Variants in TYW5 observed in about 807,000 individuals in gnomAD.
The protein encoded by TYW5 is tRNA-yW synthesizing protein 5.
Under a neutral mutation model 44.4 loss-of-function variants are expected in TYW5, and 36 were observed. The ratio of observed to expected loss-of-function variants is 0.81; its 90% CI spans 0.62 to 1.07. TYW5 has a LOEUF of 1.07. TYW5 is among the 50% of genes least tolerant of loss of function. The pLI is 0.00. For missense variants in TYW5, 354 were observed against 365.7 expected, an observed-to-expected ratio of 0.97 and a Z score of 0.26; for synonymous variants, 121 against 128.1, an observed-to-expected ratio of 0.94 and a Z score of 0.37.
chr2:199,936,313 T>C (rs1258067669), intron 6 of TYW5, 92 bp downstream of exon 6: 1 of 1,083,618 alleles, frequency 9.2e-7, no homozygotes, highest in African/African-American at 1.6e-5. Context: ...GATTAAGTAC[T>C]GAAGTGTTCT....
chr2:199,933,112 C>A lies in TYW5; in HGVS notation c.903G>T (p.Met301Ile), dbSNP rs745424393. ...AGGCTTTGTCTTGAATGTGTAGGACCATTCGTCGTGCATAGAAGTCCCTAT... is the reference window on the plus strand; with the variant it reads ...AGGCTTTGTCTTGAATGTGTAGGACAATTCGTCGTGCATAGAAGTCCCTAT... ...EEYRDFYARR[M>I]VLHIQDKAYS... The change falls in exon 8 of 8, where the codon ATG becomes ATT. Residue 301 changes from methionine (M) to isoleucine (I), a missense_variant. Met to Ile is a conservative substitution (Grantham distance 10, BLOSUM62 1). Coordinates refer to ENST00000354611, the MANE Select transcript of TYW5 (RefSeq NM_001039693.3). The A allele has an allele frequency of 6.2e-7, 1 of 1,613,930 alleles. No homozygotes were observed. Among genetic ancestry groups the A allele is most frequent in the Non-Finnish European group, 8.5e-7 (1 of 1,180,006 alleles).
intron 5 of TYW5, 97 bp from the exon 6 acceptor site, chr2:199,936,589 A>C: frequency 2.1e-6 from 2 of 963,294 alleles, no homozygotes; most frequent in Non-Finnish European, 3.2e-6. Flanking sequence ...CCGATCCTTT[A>C]ATGAGACTTG....
chr2:199,952,326 T>A (rs1485691711), intron 1 of TYW5, among the ~76,000 whole-genome samples: 1 of 152,228 alleles, frequency 6.6e-6, no homozygotes, highest in East Asian at 1.9e-4. Flanking sequence ...AATTTGAGTA[T>A]GCCAGTTTCT....
At chr2:199,955,325 G>A in intron 1 of TYW5, 68 bp downstream of exon 1, 1 of 1,554,714 alleles carries the variant, frequency 6.4e-7, no homozygotes, top group Non-Finnish European at 8.7e-7. Flanking sequence ...CCAGTTCCCA[G>A]CTGTCCGAAA....
chr2:199,948,299 A>G lies in TYW5; in HGVS notation c.233+19T>C, dbSNP rs1307798986. 6.2e-7 allele frequency: 1 copy of G among 1,613,514 alleles called. No homozygotes were observed. The highest frequency in any genetic ancestry group is 1.1e-5 in the South Asian group (1 of 91,038). On this transcript the variant is annotated intron_variant, in intron 2 of 7. Coordinates refer to ENST00000354611, the MANE Select transcript of TYW5 (RefSeq NM_001039693.3). ...AAAAAGTTATTTGTATCCCCAGAGT[A>G]AACCTCAGAAGAAAATACCTATATA...
chr2:199,954,196 G>A (rs575109120), intron 1 of TYW5, among the ~76,000 whole-genome samples: 1 of 151,894 alleles, frequency 6.6e-6, no homozygotes, highest in Non-Finnish European at 1.5e-5. Flanking sequence ...GACCTCCCGG[G>A]CTCAAGCAGA....
At chr2:199,939,558 G>A (rs2077448766) in intron 4 of TYW5, among the ~76,000 whole-genome samples, 1 of 152,050 alleles carries the variant, frequency 6.6e-6, no homozygotes, top group Non-Finnish European at 1.5e-5. Flanking sequence ...TAATATTCAG[G>A]AGTCAACACC....
Position 199,932,497 on chromosome 2 carries a change from G to C in TYW5, c.*570C>G, listed in dbSNP as rs1314344277. ...CAGTGACTGGCTCAGGGATGGACAGGTCTAAGTTACTTTAGAGCAATGAGA... is the reference window on the plus strand; with the variant it reads ...CAGTGACTGGCTCAGGGATGGACAGCTCTAAGTTACTTTAGAGCAATGAGA... On this transcript the variant is annotated 3_prime_UTR_variant, in exon 8 of 8. Coordinates refer to ENST00000354611, the MANE Select transcript of TYW5 (RefSeq NM_001039693.3). 1 of 154,122 alleles carries C rather than the reference G, an allele frequency of 6.5e-6. No homozygotes were observed. The highest frequency in any genetic ancestry group is 2.4e-5 in the African/African-American group (1 of 41,440). 9.5% of individuals were successfully genotyped at this position (154,122 alleles called of 1,614,324 possible).
Position 199,930,500 on chromosome 2 carries a change from G to T in TYW5, c.*2567C>A, listed in dbSNP as rs553916386. 6.6e-6 allele frequency: 1 copy of T among 152,256 alleles called. No individual in the cohort carries two copies. Among genetic ancestry groups the T allele is most frequent in the African/African-American group, 2.4e-5 (1 of 41,544 alleles). The allele number at this position is 152,256 out of a possible 1,614,324, so 9.4% of individuals were successfully genotyped here. A position where few individuals can be genotyped will look rare whatever the true frequency, so the allele number is the denominator to read the frequency against. ...TTTTTCTATTTTTAGTAGAGACGGGGTTTTACCATGTTGGCCAGAATGGTC... is the reference window on the plus strand; with the variant it reads ...TTTTTCTATTTTTAGTAGAGACGGGTTTTTACCATGTTGGCCAGAATGGTC... On this transcript the variant is annotated 3_prime_UTR_variant, in exon 8 of 8. Coordinates refer to ENST00000354611, the MANE Select transcript of TYW5 (RefSeq NM_001039693.3).
rs767293527 is a variant in TYW5, at chr2:199,939,088, TAAAA to T, written c.349-22_349-19del. The T allele has an allele frequency of 3.8e-6, 6 of 1,581,866 alleles. No homozygotes were observed. In the African/African-American group the frequency reaches 8.2e-5, roughly 22 times the overall value. On this transcript the variant is annotated intron_variant, in intron 4 of 7. Transcript: ENST00000354611. ...GCAACATCCTGCATTTACAGAAACATAAAAAGAAAAAATTAGATTAGACCCTATG... is the reference window on the plus strand; with the variant it reads ...GCAACATCCTGCATTTACAGAAACATAGAAAAAATTAGATTAGACCCTATG...
chr2:199,937,574 T>A (rs1430769636), intron 5 of TYW5, among the ~76,000 whole-genome samples: 1 of 151,940 alleles, frequency 6.6e-6, no homozygotes, highest in East Asian at 1.9e-4. Flanking sequence ...GTAGCTGAGA[T>A]ACGAGAATCA....
chr2:199,936,181 A>G (rs972170092), intron 6 of TYW5, 134 bp from the exon 7 acceptor site: 7 of 697,596 alleles, frequency 1.0e-5, no homozygotes, highest in Middle Eastern at 4.1e-4. Flanking sequence ...GAGAATTACT[A>G]TGCTACTGAC....
At position 199,935,927 on chromosome 2, in the gene TYW5, T is replaced by C. The variant is rs763166398; in HGVS notation, c.691+4A>G. 1.9e-6 allele frequency: 3 copies of C among 1,583,100 alleles called. No individual in the cohort carries two copies. The highest frequency in any genetic ancestry group is 2.6e-6 in the Non-Finnish European group (3 of 1,154,320). Reference sequence around the variant, plus strand: ...AGCACATTAGTGAGGTCTAGAAATCTTACCAGGAATGAATAATACATCACC... The same window carrying C: ...AGCACATTAGTGAGGTCTAGAAATCCTACCAGGAATGAATAATACATCACC... On this transcript the variant is annotated splice_donor_region_variant and intron_variant, in intron 7 of 7. Coordinates refer to ENST00000354611, the MANE Select transcript of TYW5 (RefSeq NM_001039693.3).
At chr2:199,942,922 A>G (rs2077476393) in intron 3 of TYW5, 1 of 151,844 alleles carries the variant, frequency 6.6e-6, no homozygotes, top group South Asian at 2.1e-4. Context: ...CAATGGCGCA[A>G]TCTAGCTCAC....
At chr2:199,947,575 C>T (rs1214606937) in intron 2 of TYW5, 1 of 152,074 alleles carries the variant, frequency 6.6e-6, no homozygotes, top group African/African-American at 2.4e-5. Context: ...AAAGATTATA[C>T]CAAACATAGC....
chr2:199,937,659 ACT>A (rs1381052702), intron 5 of TYW5, among the ~76,000 whole-genome samples: 1 of 152,094 alleles, frequency 6.6e-6, no homozygotes, highest in Non-Finnish European at 1.5e-5. Context: ...AAAGAGCAAG[ACT>A]CTGTCTCAAA....
At position 199,935,996 on chromosome 2, in the gene TYW5, G is replaced by A. The variant is rs1240016805; in HGVS notation, c.626C>T (p.Pro209Leu). Residue 209 changes from proline (P) to leucine (L), a missense_variant, in exon 7 of 8, where the codon CCA (proline) becomes CTA (leucine). Physicochemically the swap from Pro to Leu is moderately conservative, Grantham distance 98. Coordinates refer to ENST00000354611, the MANE Select transcript of TYW5 (RefSeq NM_001039693.3). ...NIDNPDLAKY[P>L]LFSKARRYEC... ...ATATCTTCTAGCCTTGGAAAAAAGT[G>A]GATATTTAGCCAAGTCTGGGTTATC... The A allele has an allele frequency of 1.2e-6, 2 of 1,613,100 alleles. No individual in the cohort carries two copies. Among genetic ancestry groups the A allele is most frequent in the Admixed American group, 1.7e-5 (1 of 59,970 alleles).
chr2:199,938,337 T>G (rs2077437889), intron 5 of TYW5, among the ~76,000 whole-genome samples: 1 of 152,168 alleles, frequency 6.6e-6, no homozygotes, highest in Admixed American at 6.5e-5. Flanking sequence ...GTGCTGGGAT[T>G]ACAGGTGTGA....
chr2:199,943,985 C>A lies in TYW5; in HGVS notation c.234-151G>T, dbSNP rs1479669240. 1.3e-5 allele frequency: 7 copies of A among 552,642 alleles called. No homozygotes were observed. The East Asian group carries it at 2.2e-4, about 18-fold the overall frequency. The allele number at this position is 552,642 out of a possible 1,614,324, so 34.2% of individuals were successfully genotyped here. On this transcript the variant is annotated intron_variant, in intron 2 of 7. Transcript: ENST00000354611. ...TTATTATAACCTATTATGTGAAATT[C>A]TAACTTTTCAAAACTTATTGAGCAG...
Sources: allele counts gnomAD v4.1 joint callset (sites outside exome capture counted in the v4.1 genomes callset), GRCh38; gene constraint gnomAD v4.1.1; transcripts MANE v1.5; gene names NCBI Gene and HGNC (gene_info 2026-07-23, HGNC 2026-07-21).